Variants in CLASP1 observed in about 807,000 individuals in gnomAD.
CLASP1 encodes the protein CLIP-associating protein 1.
Under a neutral mutation model 192.3 loss-of-function variants are expected in CLASP1, and 38 were observed. That is an observed-to-expected ratio of 0.20 (90% CI 0.15 to 0.26). CLASP1 has a LOEUF of 0.26. Ranked by LOEUF, CLASP1 falls within the 10% of genes least tolerant of loss-of-function variation. The pLI is 1.00. For synonymous variants in CLASP1, 691 were observed against 712.8 expected, an observed-to-expected ratio of 0.97 and a Z score of 0.49; for missense variants, 1,433 against 1,932.5, an observed-to-expected ratio of 0.74 and a Z score of 4.85.
intron 8 of CLASP1, chr2:121,490,258 A>G (rs369372314): frequency 3.3e-5 from 15 of 453,784 alleles, no homozygotes; most frequent in African/African-American, 1.2e-4. Flanking sequence ...TTCAGAATAT[A>G]TTAGAATAGC....
At chr2:121,518,417 A>G (rs1056114842) in intron 6 of CLASP1, among the ~76,000 whole-genome samples, 13 of 152,004 alleles carry the variant, frequency 8.6e-5, no homozygotes, top group African/African-American at 2.9e-4. Context: ...GAGAGCCCCA[A>G]CCAGAACCCG....
chr2:121,489,781 T>C (rs1443120354), intron 8 of CLASP1, among the ~76,000 whole-genome samples: 1 of 152,224 alleles, frequency 6.6e-6, no homozygotes, highest in Non-Finnish European at 1.5e-5. Flanking sequence ...TGCAAATCTT[T>C]TAAAGGGGAA....
At chr2:121,380,855 T>A (rs922188099) in intron 33 of CLASP1, among the ~76,000 whole-genome samples, 2 of 152,156 alleles carry the variant, frequency 1.3e-5, no homozygotes, top group African/African-American at 4.8e-5. Context: ...TAGGTCAATA[T>A]GTATCGTGTA....
intron 2 of CLASP1, chr2:121,530,910 T>A (rs910631799): frequency 1.1e-5 from 8 of 699,018 alleles, no homozygotes; most frequent in Non-Finnish European, 2.1e-5. Context: ...TGCGCTACTG[T>A]CCAATGAGCG....
chr2:121,479,050 CCCCCCCCACA>C (rs2092358771), intron 8 of CLASP1, among the ~76,000 whole-genome samples: 2 of 82,300 alleles, frequency 2.4e-5, no homozygotes, highest in Admixed American at 1.1e-4. Context: ...CACACACACC[CCCCCCCCACA>C]CACACACACA....
chr2:121,387,541 C>CT, intron 31 of CLASP1, among the ~76,000 whole-genome samples: 1 of 152,172 alleles, frequency 6.6e-6, no homozygotes, highest in East Asian at 1.9e-4. Context: ...ACTGGATAAC[C>CT]TAGTGAAAAT....
At chr2:121,417,058 T>C (rs1247122989) in intron 23 of CLASP1, among the ~76,000 whole-genome samples, 1 of 152,214 alleles carries the variant, frequency 6.6e-6, no homozygotes, top group Non-Finnish European at 1.5e-5. Flanking sequence ...GTGCTGATGC[T>C]AGAGCCTGTG....
At chr2:121,520,892 T>A (rs1185599277) in intron 6 of CLASP1, among the ~76,000 whole-genome samples, 1 of 152,140 alleles carries the variant, frequency 6.6e-6, no homozygotes, top group African/African-American at 2.4e-5. Context: ...ACATCCTTAG[T>A]GTACAGCCAT....
chr2:121,438,755 C>T (rs933673660), intron 19 of CLASP1, among the ~76,000 whole-genome samples: 2 of 151,564 alleles, frequency 1.3e-5, no homozygotes, highest in Non-Finnish European at 2.9e-5. Flanking sequence ...AGGATTTTTG[C>T]ATCAATGTTC....
intron 19 of CLASP1, among the ~76,000 whole-genome samples, chr2:121,441,211 G>C (rs1365887898): frequency 2.6e-5 from 4 of 152,096 alleles, no homozygotes; most frequent in Admixed American, 2.6e-4. Context: ...AAATTTTCTA[G>C]CAAATTCCCA....
intron 1 of CLASP1, among the ~76,000 whole-genome samples, chr2:121,645,398 G>C (rs6541792): frequency 0.24 from 36,230 of 152,128 alleles, 6,549 homozygotes; most frequent in African/African-American, 0.5. Context: ...TGCCTGCAGT[G>C]TGACACTGAT....
rs182901829 is a variant in CLASP1 at position 121,423,282 on chromosome 2, A to G, written c.2212+1857T>C. 2.1e-3 allele frequency among the ~76,000 whole-genome samples: 319 copies of G among 152,322 alleles called. 1 individual carries two copies. Among genetic ancestry groups the G allele is most frequent in the African/African-American group, 7.4e-3 (306 of 41,582 alleles). On this transcript the variant is annotated intron_variant, in intron 22 of 39. Transcript: ENST00000263710. ...TAACTTTCTTCAAATAATATTTCAA[A>G]TAACTCTTTGGAAGGGAACAGGCTT...
chr2:121,585,834 C>T (rs1040521445), intron 2 of CLASP1, among the ~76,000 whole-genome samples: 2 of 148,038 alleles, frequency 1.4e-5, no homozygotes, highest in African/African-American at 5.0e-5. Context: ...GAGGCAGAGG[C>T]GGTTGCAGTG....
chr2:121,341,336 TCCA>T, intron 39 of CLASP1, among the ~76,000 whole-genome samples: 1 of 152,186 alleles, frequency 6.6e-6, no homozygotes, highest in Non-Finnish European at 1.5e-5. Flanking sequence ...AGAACCCCGC[TCCA>T]CAGGGGGGAA....
At chr2:121,409,147 CAT>C in intron 24 of CLASP1, 3 of 967,326 alleles carry the variant, frequency 3.1e-6, no homozygotes, top group Non-Finnish European at 4.7e-6. Context: ...TACAGCAAAA[CAT>C]ATCTTAGCAA....
intron 1 of CLASP1, among the ~76,000 whole-genome samples, chr2:121,619,223 T>C (rs1201921694): frequency 6.6e-6 from 1 of 152,192 alleles, no homozygotes; most frequent in Non-Finnish European, 1.5e-5. Flanking sequence ...CAAAACAAAA[T>C]CATTAACATT....
intron 8 of CLASP1, among the ~76,000 whole-genome samples, chr2:121,471,906 T>A (rs1057307563): frequency 5.3e-5 from 8 of 152,182 alleles, no homozygotes; most frequent in African/African-American, 1.9e-4. Flanking sequence ...AAGGAAAATT[T>A]AAGTCTAATG....
chr2:121,479,498 T>C (rs563901264), intron 8 of CLASP1, among the ~76,000 whole-genome samples: 11 of 152,358 alleles, frequency 7.2e-5, no homozygotes, highest in African/African-American at 2.2e-4. Context: ...AGTAGAAAGA[T>C]ATTCCATGTT....
rs1559613899 is a variant in CLASP1 at position 121,559,894 on chromosome 2, T to TCATC, written c.196-29570_196-29569insGATG. Among the ~76,000 whole-genome samples, 978 of 151,814 alleles carry TCATC rather than the reference T, an allele frequency of 6.4e-3. 15 individuals carry two copies. The highest frequency in any genetic ancestry group is 0.023 in the African/African-American group (933 of 41,258). On this transcript the variant is annotated intron_variant, in intron 2 of 39. Coordinates refer to ENST00000263710, the Ensembl canonical transcript of CLASP1. ...CCTTAATAATTATCATCATCATCAT[T>TCATC]ATCATCATCATCATTACAATGGCTA...
Sources: gnomAD v4.1 joint callset for allele counts (sites outside exome capture counted in the v4.1 genomes callset) on GRCh38, gnomAD v4.1.1 for gene constraint, MANE v1.5 for transcripts, NCBI Gene and HGNC (gene_info 2026-07-23, HGNC 2026-07-21) for gene names.